The following BTBD10 variants were observed in gnomAD, a reference collection of about 807,000 sequenced individuals.
The protein encoded by BTBD10 is BTB/POZ domain-containing protein 10.
A neutral mutation model predicts 53.2 loss-of-function variants in BTBD10; 21 were observed. The ratio of observed to expected loss-of-function variants is 0.39; its 90% CI spans 0.28 to 0.57. BTBD10 has a LOEUF of 0.57. Among genes scored for constraint, BTBD10 ranks in the 20% least tolerant of loss-of-function variants. The pLI, the probability that BTBD10 is intolerant of heterozygous loss-of-function variation, is 0.53. For synonymous variants in BTBD10, 149 were observed against 192.7 expected, an observed-to-expected ratio of 0.77 and a Z score of 1.88; for missense variants, 360 against 594.7, an observed-to-expected ratio of 0.61 and a Z score of 4.10.
intron 1 of BTBD10, among the ~76,000 whole-genome samples, chr11:13,447,017 G>A (rs1026883084): frequency 1.3e-5 from 2 of 152,236 alleles, no homozygotes; most frequent in Admixed American, 1.3e-4. Context: ...AGAAAATAAA[G>A]ATGTAGAGAT....
chr11:13,433,525 A>G (rs186342190), intron 2 of BTBD10, among the ~76,000 whole-genome samples: 59 of 152,346 alleles, frequency 3.9e-4, no homozygotes, highest in Admixed American at 1.7e-3. Context: ...AAGCTTTTAA[A>G]TGACTTTATA....
At chr11:13,426,869 C>T (rs1273149624) in intron 2 of BTBD10, among the ~76,000 whole-genome samples, 1 of 152,116 alleles carries the variant, frequency 6.6e-6, no homozygotes, top group African/African-American at 2.4e-5. Flanking sequence ...CAAGACTTAA[C>T]CTTAACCATG....
chr11:13,413,698 T>C, intron 5 of BTBD10, 48 bp from the exon 6 acceptor site: 1 of 1,525,568 alleles, frequency 6.6e-7, no homozygotes, highest in East Asian at 2.3e-5. Flanking sequence ...GAGCATAAGG[T>C]AGCCAAAACT....
At chr11:13,395,706 A>G (rs1005899271) in intron 8 of BTBD10, among the ~76,000 whole-genome samples, 8 of 152,058 alleles carry the variant, frequency 5.3e-5, no homozygotes, top group Non-Finnish European at 1.2e-4. Flanking sequence ...ATCTTGAATT[A>G]ATTTTTGTAT....
intron 6 of BTBD10, among the ~76,000 whole-genome samples, chr11:13,412,023 G>T (rs1255544846): frequency 6.6e-6 from 1 of 152,014 alleles, no homozygotes; most frequent in Non-Finnish European, 1.5e-5. Flanking sequence ...TAGAGAAGAG[G>T]TTTCTCCATG....
chr11:13,447,902 G>A (rs192100026), intron 1 of BTBD10, among the ~76,000 whole-genome samples: 158 of 152,088 alleles, frequency 1.0e-3, no homozygotes, highest in African/African-American at 3.5e-3. Context: ...CAAACATAAC[G>A]TGTTTTATGT....
At chr11:13,419,867 A>T in intron 3 of BTBD10, 122 bp from the exon 4 acceptor site, 1 of 1,016,410 alleles carries the variant, frequency 9.8e-7, no homozygotes. Flanking sequence ...TCTACTTTTC[A>T]ATTTCAAATA....
At chr11:13,392,070 T>C (rs1331070143) in intron 8 of BTBD10, among the ~76,000 whole-genome samples, 1 of 152,216 alleles carries the variant, frequency 6.6e-6, no homozygotes, top group African/African-American at 2.4e-5. Context: ...CATCACAAAA[T>C]TGTAATGCCA....
rs910890694 is a variant in BTBD10, at chr11:13,405,886, C to T, written c.809-30G>A. ...AATGAAATCCACAAAAATATCTTAC[C>T]AAAACTTTTCCTAAAAAGAGTTCTT... On this transcript the variant is annotated intron_variant, in intron 6 of 8. Transcript: ENST00000278174. The T allele has an allele frequency of 3.1e-6, 5 of 1,599,776 alleles. No individual in the cohort carries two copies. The Admixed American group carries it at 8.5e-5, about 27-fold the overall frequency.
chr11:13,414,617 G>C, intron 5 of BTBD10, among the ~76,000 whole-genome samples: 1 of 150,974 alleles, frequency 6.6e-6, no homozygotes. Flanking sequence ...TCGCGCCACT[G>C]CACTCCAGCC....
chr11:13,432,543 C>T (rs1181552157), intron 2 of BTBD10, among the ~76,000 whole-genome samples: 2 of 151,730 alleles, frequency 1.3e-5, no homozygotes. Flanking sequence ...AAAATTATTT[C>T]ATAATGAAAA....
rs1949808025 is a variant in BTBD10 at position 13,405,733 on chromosome 11, A to G, written c.932T>C (p.Val311Ala). 6.2e-7 allele frequency: 1 copy of G among 1,613,764 alleles called. No individual in the cohort carries two copies. Among genetic ancestry groups the G allele is most frequent in the Non-Finnish European group, 8.5e-7 (1 of 1,179,742 alleles). Residue 311 changes from valine to alanine, a missense_variant, in exon 7 of 9, where the codon GTG (valine) becomes GCG (alanine). This residue lies in a region of BTBD10 where 52 missense variants were observed against 180.4 expected (regional missense o/e 0.29). Coordinates refer to ENST00000278174, the MANE Select transcript of BTBD10 (RefSeq NM_032320.7). ...AACCACATCATCATCTGTAAGCACC[A>G]CTATATGACATTCCCGTTCCCCACT... ...AQSGERECHI[V>A]VLTDDDVVDW...
At chr11:13,419,051 G>GT (rs1051501201) in intron 4 of BTBD10, among the ~76,000 whole-genome samples, 3 of 146,094 alleles carry the variant, frequency 2.1e-5, no homozygotes, top group Non-Finnish European at 3.0e-5. Flanking sequence ...TACCTATTGG[G>GT]TTTTTTTTCC....
At chr11:13,404,436 C>T (rs779675794) in intron 7 of BTBD10, 7 of 172,012 alleles carry the variant, frequency 4.1e-5, no homozygotes, top group Non-Finnish European at 8.1e-5. Context: ...TCCTTTATCA[C>T]TATAATATCA....
chr11:13,389,724 C>T (rs1168336129), intron 8 of BTBD10, among the ~76,000 whole-genome samples: 1 of 152,210 alleles, frequency 6.6e-6, no homozygotes, highest in Non-Finnish European at 1.5e-5. Flanking sequence ...ATGCCGGCCT[C>T]TAGCTACGTA....
At chr11:13,412,327 C>T (rs1949975077) in intron 6 of BTBD10, among the ~76,000 whole-genome samples, 1 of 151,968 alleles carries the variant, frequency 6.6e-6, no homozygotes, top group South Asian at 2.1e-4. Context: ...GTGATGGGTG[C>T]CTGTAACCCC....
chr11:13,393,994 G>A (rs187872962), intron 8 of BTBD10, among the ~76,000 whole-genome samples: 1 of 152,278 alleles, frequency 6.6e-6, no homozygotes, highest in Non-Finnish European at 1.5e-5. Context: ...AATACCAGCT[G>A]ATAAATGTAA....
At position 13,409,575 on chromosome 11, in the gene BTBD10, C is replaced by G. The variant is rs934737866; in HGVS notation, c.809-3719G>C. On this transcript the variant is annotated intron_variant, in intron 6 of 8. Transcript: ENST00000278174. ...GCAACATTTGCCTTTTTTTGAGTAC[C>G]CTAAATATGTCACATTCCTTCCCAC... Among the ~76,000 whole-genome samples the G allele has an allele frequency of 5.3e-5, 8 of 152,140 alleles. No individual in the cohort carries two copies. In the East Asian group the frequency reaches 1.5e-3, roughly 29 times the overall value.
intron 1 of BTBD10, among the ~76,000 whole-genome samples, chr11:13,455,647 GA>G (rs1950950395): frequency 2.0e-5 from 3 of 152,026 alleles, no homozygotes; most frequent in Admixed American, 2.0e-4. Flanking sequence ...TTCAAAACCA[GA>G]AACACCTTAG....
Sources: allele counts gnomAD v4.1 joint callset (sites outside exome capture counted in the v4.1 genomes callset), GRCh38; gene constraint gnomAD v4.1.1; regional missense constraint gnomAD v4.1.1; transcripts MANE v1.5; gene names NCBI Gene and HGNC (gene_info 2026-07-23, HGNC 2026-07-21).